FER: variants seen among roughly 807,000 people sequenced by gnomAD.
FER encodes the protein tyrosine-protein kinase Fer.
In FER, 63 loss-of-function variants were observed where a neutral mutation model predicts 111.0. The observed-to-expected ratio is 0.57, with a 90% confidence interval of 0.46 to 0.70. The LOEUF (loss-of-function observed/expected upper bound fraction) is 0.70. Ranked by LOEUF, FER falls within the 30% of genes least tolerant of loss-of-function variation. The probability of loss-of-function intolerance (pLI) is 0.00; values close to 1 mark genes in which losing one functional copy is unlikely to be tolerated. For missense variants in FER, 914 were observed against 954.0 expected (o/e 0.96, Z 0.55); for synonymous variants, 327 against 313.9 (o/e 1.04, Z -0.44).
At chr5:109,116,676 T>A (rs1347416962) in intron 17 of FER, among the ~76,000 whole-genome samples, 4 of 152,128 alleles carry the variant, frequency 2.6e-5, no homozygotes, top group Non-Finnish European at 5.9e-5. Context: ...CCACCATATT[T>A]CGAGATAATT....
chr5:108,929,565 C>T lies in FER; in HGVS notation c.1237-16565C>T, dbSNP rs1336559040. 2.6e-5 allele frequency among the ~76,000 whole-genome samples: 4 copies of T among 151,640 alleles called. No homozygotes were observed. In the East Asian group the frequency reaches 7.7e-4, roughly 29 times the overall value. Reference sequence around the variant, plus strand: ...AGTTAACAGAAATAAGGTACATGATCCTTTTAAGGAATTGGGCTTACAAAG... The same window carrying T: ...AGTTAACAGAAATAAGGTACATGATTCTTTTAAGGAATTGGGCTTACAAAG... On this transcript the variant is annotated intron_variant, in intron 10 of 19. Coordinates refer to ENST00000281092, the MANE Select transcript of FER (RefSeq NM_005246.4).
chr5:108,762,759 C>G (rs778593646), intron 1 of FER, among the ~76,000 whole-genome samples: 1 of 152,112 alleles, frequency 6.6e-6, no homozygotes, highest in Non-Finnish European at 1.5e-5. Flanking sequence ...CACAGGCCTC[C>G]TTGTTTTTCC....
At chr5:109,011,230 G>A (rs189494433) in intron 13 of FER, among the ~76,000 whole-genome samples, 230 of 152,108 alleles carry the variant, frequency 1.5e-3, no homozygotes, top group African/African-American at 5.4e-3. Flanking sequence ...GTGGGACAAA[G>A]AACAGAATTC....
At chr5:109,167,163 T>G (rs1756639414) in intron 17 of FER, among the ~76,000 whole-genome samples, 2 of 152,154 alleles carry the variant, frequency 1.3e-5, no homozygotes, top group Non-Finnish European at 1.5e-5. Flanking sequence ...AGAGGACTTG[T>G]TATGAGTAAG....
intron 8 of FER, among the ~76,000 whole-genome samples, chr5:108,879,830 C>T (rs562607370): frequency 5.8e-4 from 88 of 151,024 alleles, no homozygotes; most frequent in African/African-American, 1.6e-3. Context: ...CTGCCTCAGC[C>T]GCCTGAGTAG....
chr5:108,749,385 C>T (rs892731245), intron 1 of FER, among the ~76,000 whole-genome samples: 18 of 151,008 alleles, frequency 1.2e-4, no homozygotes, highest in African/African-American at 3.9e-4. Context: ...GTCGCGGGGT[C>T]TGGGGGCTGA....
intron 7 of FER, 28 bp from the exon 8 acceptor site, chr5:108,872,065 A>G: frequency 6.2e-7 from 1 of 1,603,986 alleles, no homozygotes; most frequent in South Asian, 1.1e-5. Flanking sequence ...ATTTACAATG[A>G]TCAAAATTAT....
chr5:108,938,026 TCACACACACACACACA>T (rs201092702), intron 10 of FER, among the ~76,000 whole-genome samples: 12 of 130,822 alleles, frequency 9.2e-5, no homozygotes, highest in South Asian at 5.2e-4. Flanking sequence ...TATCTCTCTC[TCACACACACACACACA>T]CACACACACA....
intron 13 of FER, among the ~76,000 whole-genome samples, chr5:108,979,840 C>T (rs1463991481): frequency 2.6e-5 from 4 of 151,944 alleles, no homozygotes; most frequent in African/African-American, 9.7e-5. Context: ...AATAATTACC[C>T]TCAGATAGTA....
chr5:108,841,965 G>C (rs1580819212), intron 5 of FER: 1 of 169,650 alleles, frequency 5.9e-6, no homozygotes, highest in East Asian at 1.8e-4. Context: ...AAAATTATGA[G>C]ATAACCTGAG....
intron 13 of FER, among the ~76,000 whole-genome samples, chr5:109,011,451 G>T (rs1252032136): frequency 1.3e-5 from 2 of 152,026 alleles, no homozygotes; most frequent in East Asian, 1.9e-4. Flanking sequence ...TTCTTGTCTC[G>T]CTCAGTTACC....
chr5:109,150,177 G>C (rs1754670586), intron 17 of FER, among the ~76,000 whole-genome samples: 1 of 152,096 alleles, frequency 6.6e-6, no homozygotes, highest in Non-Finnish European at 1.5e-5. Flanking sequence ...GCATCTATTT[G>C]ATCAGTTGGC....
intron 5 of FER, among the ~76,000 whole-genome samples, chr5:108,851,054 T>C (rs1009503340): frequency 2.0e-5 from 3 of 152,214 alleles, no homozygotes; most frequent in Admixed American, 2.0e-4. Context: ...CTGAGAGTTA[T>C]ATGAGTTTAT....
intron 10 of FER, among the ~76,000 whole-genome samples, chr5:108,926,997 G>T (rs1753828242): frequency 6.6e-6 from 1 of 152,028 alleles, no homozygotes; most frequent in Admixed American, 6.6e-5. Context: ...TTTCTGGTAA[G>T]CCATAGCCCC....
intron 13 of FER, chr5:109,014,757 T>G (rs34679271): frequency 6.6e-6 from 1 of 152,122 alleles, no homozygotes; most frequent in Non-Finnish European, 1.5e-5. Flanking sequence ...TTTTATTTCA[T>G]TGAGCAGTGG....
chr5:108,749,964 G>A (rs1478822134), intron 1 of FER, among the ~76,000 whole-genome samples: 1 of 152,188 alleles, frequency 6.6e-6, no homozygotes, highest in Non-Finnish European at 1.5e-5. Flanking sequence ...CTAATAATTT[G>A]TTACGGCTGG....
chr5:108,997,551 G>C (rs1031992516), intron 13 of FER, among the ~76,000 whole-genome samples: 1 of 151,960 alleles, frequency 6.6e-6, no homozygotes. Flanking sequence ...TCTCTTGCCT[G>C]ATTGCCCTGG....
Position 108,897,680 on chromosome 5 carries a change from A to G in FER, c.1068A>G (p.Gln356=), listed in dbSNP as rs1199574368. ...TTAGTATTGTGCTTCTGCTAAGCCA[A>G]AAACAGGCACTTGAAGAACTGAAAC... ...KKSDIVLLLS[Q]KQALEELKQS... The change falls in exon 10 of 20, where the codon CAA becomes CAG. Residue 356 remains glutamine, a synonymous_variant. Transcript: ENST00000281092. 15 of 1,599,262 alleles carry G rather than the reference A, an allele frequency of 9.4e-6. No homozygotes were observed. The highest frequency in any genetic ancestry group is 1.8e-5 in the Admixed American group (1 of 56,836).
chr5:108,820,470 G>T, intron 3 of FER: 1 of 985,320 alleles, frequency 1.0e-6, no homozygotes, highest in South Asian at 4.7e-5. Flanking sequence ...AGTCCAAGAG[G>T]AATAAAAGCA....
Sources: gnomAD v4.1 joint callset for allele counts (sites outside exome capture counted in the v4.1 genomes callset) on GRCh38, gnomAD v4.1.1 for gene constraint, MANE v1.5 for transcripts, NCBI Gene and HGNC (gene_info 2026-07-23, HGNC 2026-07-21) for gene names.